Variants in WDPCP observed in about 807,000 individuals in gnomAD.
WDPCP encodes the protein WD repeat containing planar cell polarity effector, also known as WD repeat-containing and planar cell polarity effector protein fritz homolog.
Under a neutral mutation model 93.1 loss-of-function variants are expected in WDPCP, and 71 were observed. That is an observed-to-expected ratio of 0.76 (90% CI 0.63 to 0.93). WDPCP has a LOEUF of 0.93. Ranked by LOEUF, WDPCP falls within the 40% of genes least tolerant of loss-of-function variation. The probability of loss-of-function intolerance (pLI) is 0.00; values close to 1 mark genes in which losing one functional copy is unlikely to be tolerated. For missense variants in WDPCP, 844 were observed against 887.4 expected (o/e 0.95, Z 0.62); for synonymous variants, 315 against 315.0 (o/e 1.00, Z 0.00).
intron 7 of WDPCP, among the ~76,000 whole-genome samples, chr2:63,438,916 G>T (rs1044637839): frequency 2.0e-5 from 3 of 151,944 alleles, no homozygotes; most frequent in Admixed American, 6.6e-5. Context: ...TTGAATAAAA[G>T]AATATAATCT....
chr2:63,433,475 T>C (rs1296050207), intron 9 of WDPCP, among the ~76,000 whole-genome samples: 1 of 152,174 alleles, frequency 6.6e-6, no homozygotes, highest in African/African-American at 2.4e-5. Context: ...AATGAAACTA[T>C]AGCACATACA....
At chr2:63,347,659 C>G (rs1199440346) in intron 12 of WDPCP, among the ~76,000 whole-genome samples, 1 of 152,118 alleles carries the variant, frequency 6.6e-6, no homozygotes, top group African/African-American at 2.4e-5. Context: ...GATCAAGTAG[C>G]TCCCATGTTG....
intron 2 of WDPCP, among the ~76,000 whole-genome samples, chr2:63,793,127 T>A (rs1670567221): frequency 6.6e-6 from 1 of 152,122 alleles, no homozygotes; most frequent in Admixed American, 6.6e-5. Flanking sequence ...TTTTTTTTTT[T>A]AGAGACAGGG....
At chr2:63,299,408 T>G (rs973214741) in intron 13 of WDPCP, among the ~76,000 whole-genome samples, 2 of 152,214 alleles carry the variant, frequency 1.3e-5, no homozygotes, top group African/African-American at 4.8e-5. Context: ...AATTGGACCC[T>G]GTCCCTACTG....
intron 6 of WDPCP, among the ~76,000 whole-genome samples, chr2:63,483,886 C>G (rs1419460242): frequency 6.6e-6 from 1 of 151,834 alleles, no homozygotes; most frequent in Non-Finnish European, 1.5e-5. Context: ...ATCTTGTAAT[C>G]AGTGTACACT....
At chr2:63,173,219 G>C (rs1464909526) in intron 15 of WDPCP, among the ~76,000 whole-genome samples, 3 of 151,228 alleles carry the variant, frequency 2.0e-5, no homozygotes, top group African/African-American at 7.3e-5. Flanking sequence ...AGTGAGCTGA[G>C]GTCATGCCAT....
At chr2:63,512,008 G>C (rs1482344743) in intron 1 of WDPCP, among the ~76,000 whole-genome samples, 2 of 152,112 alleles carry the variant, frequency 1.3e-5, no homozygotes, top group Admixed American at 6.5e-5. Context: ...ATCTGACAAA[G>C]GGCTAATATC....
chr2:63,588,209 T>G lies in WDPCP; in HGVS notation c.63A>C (p.Pro21=), dbSNP rs373664805. 2.5e-6 allele frequency: 4 copies of G among 1,570,116 alleles called. No individual in the cohort carries two copies. The highest frequency in any genetic ancestry group is 3.5e-6 in the Non-Finnish European group (4 of 1,155,460). ...GGCCAGGGCTCACCTGTCTCGGGAG[T>G]GGGGAAGAAGCGCGACTCCCGGCCG... is the stretch of plus-strand genomic sequence containing the variant. ...SKAAGSRASS[P]LPRQDRDSFC... is the part of the protein sequence containing the mutation. Residue 21 remains proline (P), a synonymous_variant, in exon 1 of 18, where the codon CCA becomes CCC. Coordinates refer to ENST00000272321, the MANE Select transcript of WDPCP (RefSeq NM_015910.7).
rs1437775667 is a variant in WDPCP, at chr2:63,121,534, A to T, written c.*472T>A. ...CAAGCATGTACCACCATGCCTGGCT[A>T]ATTTTTAAAATTTTTTCTAGAGACA... is the stretch of plus-strand genomic sequence containing the variant. On this transcript the variant is annotated 3_prime_UTR_variant, in exon 18 of 18. Transcript: ENST00000272321. The T allele has an allele frequency of 6.5e-6, 1 of 154,668 alleles. No homozygotes were observed. Among genetic ancestry groups the T allele is most frequent in the Non-Finnish European group, 1.4e-5 (1 of 70,024 alleles). The allele number at this position is 154,668 out of a possible 1,614,324, so 9.6% of individuals were successfully genotyped here.
intron 2 of WDPCP, among the ~76,000 whole-genome samples, chr2:63,491,507 T>C (rs966886437): frequency 5.9e-5 from 9 of 152,190 alleles, no homozygotes; most frequent in African/African-American, 2.2e-4. Flanking sequence ...GAGAGGAATA[T>C]CTCAAGCTCC....
At chr2:63,628,960 C>G (rs1709838542) in intron 3 of WDPCP, among the ~76,000 whole-genome samples, 1 of 152,206 alleles carries the variant, frequency 6.6e-6, no homozygotes, top group South Asian at 2.1e-4. Flanking sequence ...AAAACAACAA[C>G]CACCCAACAA....
rs528980065 is a variant in WDPCP at position 63,599,288 on chromosome 2, C to T, written n.488+51371G>A. 2.5e-6 allele frequency: 4 copies of T among 1,609,778 alleles called. No individual in the cohort carries two copies. The East Asian group carries it at 6.7e-5, about 27-fold the overall frequency. Reference sequence around the variant, plus strand: ...CGTTTGGATCACAACCGAGCTAAAGCTCAAGTAAGAAAAATATATTTTAAA... The same window carrying T: ...CGTTTGGATCACAACCGAGCTAAAGTTCAAGTAAGAAAAATATATTTTAAA... On this transcript the variant is annotated intron_variant and non_coding_transcript_variant, in intron 3 of 4. Coordinates refer to the WDPCP transcript ENST00000467687.
At chr2:63,211,055 GCAGAA>G (rs1466149648) in intron 14 of WDPCP, among the ~76,000 whole-genome samples, 1 of 152,226 alleles carries the variant, frequency 6.6e-6, no homozygotes, top group Non-Finnish European at 1.5e-5. Flanking sequence ...ACAAAAGGCA[GCAGAA>G]ACTTCTGCAG....
chr2:63,399,686 A>G (rs1693999629), intron 10 of WDPCP, among the ~76,000 whole-genome samples: 1 of 152,184 alleles, frequency 6.6e-6, no homozygotes, highest in African/African-American at 2.4e-5. Flanking sequence ...TTTAACAGAC[A>G]TGCAAAACAT....
At chr2:63,656,092 C>T (rs62179395) in intron 2 of WDPCP, among the ~76,000 whole-genome samples, 1,643 of 152,338 alleles carry the variant, frequency 0.011, 18 homozygotes, top group Non-Finnish European at 0.017. Flanking sequence ...GACATCACAG[C>T]TCCTATTTCT....
intron 3 of WDPCP, among the ~76,000 whole-genome samples, chr2:63,644,891 C>T (rs1710031190): frequency 6.6e-6 from 1 of 152,012 alleles, no homozygotes; most frequent in Non-Finnish European, 1.5e-5. Context: ...TTTGGATCTC[C>T]TCTCTTTTTT....
chr2:63,418,709 C>T (rs1005363429), intron 9 of WDPCP, among the ~76,000 whole-genome samples: 7 of 151,762 alleles, frequency 4.6e-5, no homozygotes, highest in East Asian at 1.9e-4. Context: ...AAAAGGCAAA[C>T]AGTAAGAAGG....
chr2:63,575,351 GGTATATACAGTATATACAGTATATACA>G (rs1229135119), intron 1 of WDPCP, among the ~76,000 whole-genome samples: 2 of 107,480 alleles, frequency 1.9e-5, no homozygotes, highest in Non-Finnish European at 3.9e-5. Flanking sequence ...TACTGTATAT[GGTATATACAGTATATACAGTATATACA>G]GTATATACAC....
At chr2:63,359,634 G>C (rs1340316307) in intron 12 of WDPCP, among the ~76,000 whole-genome samples, 1 of 152,136 alleles carries the variant, frequency 6.6e-6, no homozygotes, top group African/African-American at 2.4e-5. Flanking sequence ...ACCAGACTTA[G>C]CAATCACTCT....
Sources: gnomAD v4.1 joint callset for allele counts (sites outside exome capture counted in the v4.1 genomes callset) on GRCh38, gnomAD v4.1.1 for gene constraint, MANE v1.5 for transcripts, NCBI Gene and HGNC (gene_info 2026-07-23, HGNC 2026-07-21) for gene names.